The following NEGR1 variants were observed in gnomAD, a reference collection of about 807,000 sequenced individuals.
The protein encoded by NEGR1 is neuronal growth regulator 1.
In NEGR1, 10 loss-of-function variants were observed where a neutral mutation model predicts 40.9. The observed-to-expected ratio is 0.24, with a 90% CI of 0.15 to 0.42. The LOEUF is 0.42. Ranked by LOEUF, NEGR1 falls within the 10% of genes least tolerant of loss-of-function variation. The pLI is 1.00. For synonymous variants in NEGR1, 185 were observed against 166.8 expected (o/e 1.11, Z -0.84); for missense variants, 352 against 438.9 (o/e 0.80, Z 1.77).
At chr1:71,563,038 T>C (rs357215) in intron 6 of NEGR1, among the ~76,000 whole-genome samples, 149,760 of 152,084 alleles carry the variant, frequency 0.98, 73,776 homozygotes, top group Middle Eastern at 1. Flanking sequence ...CCTTGCACAT[T>C]ATCTAAAAAT....
intron 6 of NEGR1, among the ~76,000 whole-genome samples, chr1:71,517,362 A>C (rs1439964922): frequency 6.6e-5 from 4 of 60,198 alleles, no homozygotes; most frequent in Admixed American, 3.9e-4. Flanking sequence ...GCAGCACATC[A>C]AAAAGCTTAT....
At chr1:71,716,412 T>G (rs913121247) in intron 3 of NEGR1, among the ~76,000 whole-genome samples, 1 of 151,868 alleles carries the variant, frequency 6.6e-6, no homozygotes, top group African/African-American at 2.4e-5. Context: ...AAATTTCAAT[T>G]TTACCCCACC....
chr1:71,956,724 T>C (rs1038543276), intron 1 of NEGR1, among the ~76,000 whole-genome samples: 6 of 152,142 alleles, frequency 3.9e-5, no homozygotes, highest in African/African-American at 1.4e-4. Context: ...GTAAGTACAC[T>C]TGGTCTAAAG....
chr1:72,228,358 G>A (rs1309824896), intron 1 of NEGR1, among the ~76,000 whole-genome samples: 7 of 152,102 alleles, frequency 4.6e-5, no homozygotes, highest in Non-Finnish European at 1.0e-4. Context: ...TGCTTGAGCT[G>A]GATCATCAGT....
intron 2 of NEGR1, among the ~76,000 whole-genome samples, chr1:71,836,047 G>A (rs1282321925): frequency 6.6e-6 from 1 of 152,024 alleles, no homozygotes; most frequent in African/African-American, 2.4e-5. Context: ...ATTGCAGGGT[G>A]GCTGATCAGG....
chr1:72,039,691 T>C (rs542627081), intron 1 of NEGR1, among the ~76,000 whole-genome samples: 31 of 152,010 alleles, frequency 2.0e-4, no homozygotes, highest in Admixed American at 5.9e-4. Context: ...AGGAACTTGA[T>C]AAGAGGAATG....
intron 1 of NEGR1, among the ~76,000 whole-genome samples, chr1:72,127,136 T>C (rs1650050836): frequency 1.3e-5 from 2 of 152,122 alleles, no homozygotes; most frequent in South Asian, 4.1e-4. Context: ...ACAGCAATAA[T>C]GTATAAACAA....
At chr1:72,211,395 T>G (rs1255707212) in intron 1 of NEGR1, among the ~76,000 whole-genome samples, 5 of 151,560 alleles carry the variant, frequency 3.3e-5, no homozygotes, top group Non-Finnish European at 4.4e-5. Flanking sequence ...AACCAGATTT[T>G]GGAAAATGTT....
intron 1 of NEGR1, among the ~76,000 whole-genome samples, chr1:72,058,725 G>A (rs1018775113): frequency 6.6e-6 from 1 of 151,362 alleles, no homozygotes; most frequent in Non-Finnish European, 1.5e-5. Context: ...CCTATTTATC[G>A]CTGTGAAAAA....
At chr1:72,100,306 T>C (rs1373931001) in intron 1 of NEGR1, among the ~76,000 whole-genome samples, 1 of 152,180 alleles carries the variant, frequency 6.6e-6, no homozygotes, top group Non-Finnish European at 1.5e-5. Context: ...ACCACATACA[T>C]GCATGTCCTT....
intron 2 of NEGR1, among the ~76,000 whole-genome samples, chr1:71,888,370 C>T (rs1334994221): frequency 3.3e-5 from 5 of 152,178 alleles, no homozygotes; most frequent in East Asian, 2.0e-4. Flanking sequence ...CCACCGTGCG[C>T]GAGCCTAAGC....
chr1:71,898,866 A>AATATATATATTGCAAAT (rs201424133), intron 2 of NEGR1, among the ~76,000 whole-genome samples: 85 of 135,624 alleles, frequency 6.3e-4, no homozygotes, highest in Non-Finnish European at 9.5e-4. Context: ...ATATATTGCA[A>AATATATATATTGCAAAT]ATATATATAT....
chr1:72,133,119 G>A (rs539245454), intron 1 of NEGR1, among the ~76,000 whole-genome samples: 189 of 152,114 alleles, frequency 1.2e-3, no homozygotes, highest in African/African-American at 4.3e-3. Context: ...TATAACCACT[G>A]TTACTAATCA....
chr1:72,195,321 G>A (rs1038980258), intron 1 of NEGR1, among the ~76,000 whole-genome samples: 1 of 151,914 alleles, frequency 6.6e-6, no homozygotes, highest in Non-Finnish European at 1.5e-5. Context: ...CATTCTTAAT[G>A]GGCCGTACAT....
intron 2 of NEGR1, among the ~76,000 whole-genome samples, chr1:71,830,956 T>C (rs924574606): frequency 2.0e-5 from 3 of 151,774 alleles, no homozygotes; most frequent in African/African-American, 7.3e-5. Flanking sequence ...AAAAAAAATG[T>C]GTACCATTTG....
intron 1 of NEGR1, among the ~76,000 whole-genome samples, chr1:71,962,433 G>A (rs1193425217): frequency 6.6e-6 from 1 of 151,952 alleles, no homozygotes; most frequent in East Asian, 1.9e-4. Flanking sequence ...CAAGTAAAAT[G>A]AGCAGGAATG....
intron 4 of NEGR1, among the ~76,000 whole-genome samples, chr1:71,671,155 T>C (rs1652414356): frequency 6.6e-6 from 1 of 152,200 alleles, no homozygotes; most frequent in African/African-American, 2.4e-5. Context: ...TACTTGAGGT[T>C]GATGGGACAA....
At chr1:72,213,570 A>G (rs1653688009) in intron 1 of NEGR1, among the ~76,000 whole-genome samples, 1 of 151,986 alleles carries the variant, frequency 6.6e-6, no homozygotes. Flanking sequence ...CAGCTATATT[A>G]TATTATGAGG....
At chr1:71,780,541 G>T (rs910755879) in intron 2 of NEGR1, among the ~76,000 whole-genome samples, 2 of 152,158 alleles carry the variant, frequency 1.3e-5, no homozygotes, top group Non-Finnish European at 2.9e-5. Context: ...TAAGAACACT[G>T]GAAGCTTTCT....
Sources: allele counts gnomAD v4.1 joint callset (sites outside exome capture counted in the v4.1 genomes callset), GRCh38; gene constraint gnomAD v4.1.1; transcripts MANE v1.5; gene names NCBI Gene and HGNC (gene_info 2026-07-23, HGNC 2026-07-21).